MTAP: variants seen among roughly 807,000 people sequenced by gnomAD.
The protein encoded by MTAP is S-methyl-5'-thioadenosine phosphorylase.
A neutral mutation model predicts 33.6 loss-of-function variants in MTAP; 33 were observed. That is an observed-to-expected ratio of 0.98 (90% CI 0.74 to 1.31). The LOEUF is 1.31. MTAP is among the 40% of genes most tolerant of loss of function. The pLI, the probability that MTAP is intolerant of heterozygous loss-of-function variation, is 0.00. For missense variants in MTAP, 367 were observed against 360.0 expected, an observed-to-expected ratio of 1.02 and a Z score of -0.16; for synonymous variants, 148 against 125.7, an observed-to-expected ratio of 1.18 and a Z score of -1.19.
chr9:21,904,695 AGTT>A (rs1284780864), intron 1 of MTAP, among the ~76,000 whole-genome samples: 8 of 152,208 alleles, frequency 5.3e-5, no homozygotes, highest in Admixed American at 2.0e-4. Context: ...AGATTGTTTT[AGTT>A]GTTGTTGCTG....
intron 1 of MTAP, among the ~76,000 whole-genome samples, chr9:21,810,020 G>A (rs981374070): frequency 4.6e-5 from 7 of 152,238 alleles, no homozygotes; most frequent in Non-Finnish European, 1.0e-4. Context: ...TAAAAACCAT[G>A]GATGTTTTGA....
downstream of MTAP, among the ~76,000 whole-genome samples, chr9:21,937,855 A>C (rs1299248487): frequency 1.3e-5 from 2 of 152,146 alleles, no homozygotes; most frequent in African/African-American, 4.8e-5. Context: ...TTATAGAAAG[A>C]GAGGTCAGGC....
rs1396663574 is a variant in MTAP at position 21,866,586 on chromosome 9, T to C, written c.*4572T>C. ...TCTGTGAATCTGGATGATCTATTTATGTCATTTATCTATGTGTCTCTTCTT... is the reference window on the plus strand; with the variant it reads ...TCTGTGAATCTGGATGATCTATTTACGTCATTTATCTATGTGTCTCTTCTT... On this transcript the variant is annotated 3_prime_UTR_variant, in exon 8 of 8. Transcript: ENST00000644715. The C allele has an allele frequency of 6.6e-6, 1 of 152,196 alleles. No homozygotes were observed. Among genetic ancestry groups the C allele is most frequent in the East Asian group, 1.9e-4 (1 of 5,196 alleles). The allele number at this position is 152,196 out of a possible 1,614,324, so 9.4% of individuals were successfully genotyped here. A position where few individuals can be genotyped will look rare whatever the true frequency, so the allele number is the denominator to read the frequency against.
chr9:21,825,059 G>A (rs368302062), intron 4 of MTAP, among the ~76,000 whole-genome samples: 9 of 152,190 alleles, frequency 5.9e-5, no homozygotes, highest in East Asian at 3.9e-4. Flanking sequence ...TAGGTGAGGC[G>A]ATGCCTCACC....
chr9:21,913,298 C>T (rs1435594495), intron 1 of MTAP, among the ~76,000 whole-genome samples: 1 of 152,028 alleles, frequency 6.6e-6, no homozygotes, highest in African/African-American at 2.4e-5. Context: ...CATATGGAAC[C>T]AAAAAAGAGC....
intron 5 of MTAP, among the ~76,000 whole-genome samples, chr9:21,842,380 A>G (rs4474107): frequency 0.01 from 1,556 of 152,346 alleles, 25 homozygotes; most frequent in African/African-American, 0.036. Flanking sequence ...ACAGATCTAG[A>G]CATCCAAATA....
At chr9:21,811,593 C>T (rs1824350802) in intron 1 of MTAP, 1 of 461,996 alleles carries the variant, frequency 2.2e-6, no homozygotes, top group Non-Finnish European at 4.3e-6. Flanking sequence ...ACCACTTCCA[C>T]CCTTTACACA....
chr9:21,886,073 C>T, intron 1 of MTAP, among the ~76,000 whole-genome samples: 1 of 151,820 alleles, frequency 6.6e-6, no homozygotes, highest in Non-Finnish European at 1.5e-5. Flanking sequence ...GTTTACATGC[C>T]CACCAGCAAT....
chr9:21,827,799 A>G (rs1824860519), intron 4 of MTAP, among the ~76,000 whole-genome samples: 1 of 152,230 alleles, frequency 6.6e-6, no homozygotes, highest in Admixed American at 6.5e-5. Flanking sequence ...ATCTTGATCA[A>G]AATCTCAATG....
intron 4 of MTAP, among the ~76,000 whole-genome samples, chr9:21,822,545 T>TC (rs1824671956): frequency 6.6e-6 from 1 of 152,198 alleles, no homozygotes; most frequent in Non-Finnish European, 1.5e-5. Context: ...GTGCTTTACT[T>TC]CCAACTATGT....
intron 4 of MTAP, among the ~76,000 whole-genome samples, chr9:21,826,778 A>G (rs913410743): frequency 6.6e-6 from 1 of 151,988 alleles, no homozygotes; most frequent in Admixed American, 6.6e-5. Flanking sequence ...GGTGGTCTCT[A>G]GGTCAGGGAT....
At chr9:21,802,884 G>A (rs1563825606) in intron 1 of MTAP, 103 bp downstream of exon 1, 17 of 1,504,730 alleles carry the variant, frequency 1.1e-5, no homozygotes, top group Non-Finnish European at 1.4e-5. Flanking sequence ...CGGCCCGTGC[G>A]TCCCTTGCCG....
chr9:21,913,942 C>A (rs750193852), intron 1 of MTAP, among the ~76,000 whole-genome samples: 1 of 152,100 alleles, frequency 6.6e-6, no homozygotes, highest in African/African-American at 2.4e-5. Flanking sequence ...AAGAAAAAAT[C>A]GAACAACCCC....
At chr9:21,821,725 G>A (rs1412102862) in intron 4 of MTAP, among the ~76,000 whole-genome samples, 2 of 152,092 alleles carry the variant, frequency 1.3e-5, no homozygotes, top group Non-Finnish European at 2.9e-5. Flanking sequence ...TGTACCTCTG[G>A]TAGAATTCGG....
chr9:21,924,281 C>T (rs1452392557), intron 1 of MTAP, among the ~76,000 whole-genome samples: 3 of 151,934 alleles, frequency 2.0e-5, no homozygotes, highest in Admixed American at 6.5e-5. Context: ...ATCACATCTC[C>T]CTACTACAGT....
intron 1 of MTAP, among the ~76,000 whole-genome samples, chr9:21,812,667 C>T (rs1824379508): frequency 6.6e-6 from 1 of 152,196 alleles, no homozygotes; most frequent in Admixed American, 6.5e-5. Context: ...AGATGATTCA[C>T]TCAGATACCT....
At chr9:21,813,833 T>C (rs1402688910) in intron 1 of MTAP, 2 of 152,180 alleles carry the variant, frequency 1.3e-5, no homozygotes, top group Non-Finnish European at 2.9e-5. Flanking sequence ...GTCCACGGAA[T>C]GAAGGATAAG....
At chr9:21,838,369 AG>A (rs1296029685) in intron 5 of MTAP, among the ~76,000 whole-genome samples, 17 of 152,246 alleles carry the variant, frequency 1.1e-4, no homozygotes, top group Non-Finnish European at 2.2e-4. Context: ...TGTGTCCAAG[AG>A]GACAAATTAT....
chr9:21,831,417 G>A (rs753953543), intron 4 of MTAP, among the ~76,000 whole-genome samples: 2 of 152,056 alleles, frequency 1.3e-5, no homozygotes, highest in Non-Finnish European at 2.9e-5. Context: ...GCTCACTGTA[G>A]CCTCTACCTC....
Sources: allele counts gnomAD v4.1 joint callset (sites outside exome capture counted in the v4.1 genomes callset), GRCh38; gene constraint gnomAD v4.1.1; transcripts MANE v1.5; gene names NCBI Gene and HGNC (gene_info 2026-07-23, HGNC 2026-07-21).